Variants in CEP68 observed in about 807,000 individuals in gnomAD.
The protein encoded by CEP68 is centrosomal protein 68, also known as centrosomal protein of 68 kDa.
A neutral mutation model predicts 55.3 loss-of-function variants in CEP68; 26 were observed. The observed-to-expected ratio is 0.47, with a 90% CI of 0.34 to 0.65. The LOEUF is 0.65. Among genes scored for constraint, CEP68 ranks in the 30% least tolerant of loss-of-function variants. CEP68 has a pLI of 0.01. For synonymous variants in CEP68, 402 were observed against 383.2 expected (o/e 1.05, Z -0.57); for missense variants, 957 against 946.7 (o/e 1.01, Z -0.14).
chr2:65,065,002 C>T (rs754842158), intron 1 of CEP68, among the ~76,000 whole-genome samples: 1 of 152,186 alleles, frequency 6.6e-6, no homozygotes, highest in African/African-American at 2.4e-5. Context: ...TGTGGCTTAA[C>T]TGTTTGATCA....
Position 65,067,339 on chromosome 2 carries a change from C to T in CEP68, c.-46-2060C>T, listed in dbSNP as rs535841548. On this transcript the variant is annotated intron_variant, in intron 1 of 6. Coordinates refer to ENST00000377990, the MANE Select transcript of CEP68 (RefSeq NM_015147.3). ...AGGTTGCAGTGAGCTGAGATCACAC[C>T]GCTGAACTCTATCTAGCCTGGGTGA... is the stretch of plus-strand genomic sequence containing the variant. Among the ~76,000 whole-genome samples, 193 of 152,098 alleles carry T rather than the reference C, an allele frequency of 1.3e-3. 2 individuals are homozygous for T. The highest frequency in any genetic ancestry group is 4.2e-3 in the South Asian group (20 of 4,816).
chr2:65,070,488 T>C (rs1334570137), intron 2 of CEP68, among the ~76,000 whole-genome samples: 1 of 151,994 alleles, frequency 6.6e-6, no homozygotes, highest in Admixed American at 6.6e-5. Context: ...TTCCTGGGAA[T>C]GGCTTTGATC....
At chr2:65,081,260 T>C (rs1358182241) in intron 5 of CEP68, among the ~76,000 whole-genome samples, 1 of 150,300 alleles carries the variant, frequency 6.7e-6, no homozygotes, top group Non-Finnish European at 1.5e-5. Context: ...CCAGCCACCC[T>C]TACAGCCAAG....
chr2:65,083,472 T>G (rs1049210961), intron 6 of CEP68, among the ~76,000 whole-genome samples, 167 bp from the exon 7 acceptor site: 2 of 152,198 alleles, frequency 1.3e-5, no homozygotes, highest in Non-Finnish European at 2.9e-5. Flanking sequence ...ACTCATAGAT[T>G]TTCTAGGTGA....
chr2:65,074,384 T>A lies in CEP68; in HGVS notation c.1987T>A (p.Ser663Thr). 6.2e-7 allele frequency: 1 copy of A among 1,614,174 alleles called. No homozygotes were observed. The highest frequency in any genetic ancestry group is 8.5e-7 in the Non-Finnish European group (1 of 1,179,998). Residue 663 changes from serine to threonine, a missense_variant, in exon 4 of 7, where the codon TCT (serine) becomes ACT (threonine). Physicochemically the swap from Ser to Thr is moderately conservative, Grantham distance 58. Coordinates refer to ENST00000377990, the MANE Select transcript of CEP68 (RefSeq NM_015147.3). ...AARSNLTSLK[S>T]SLQLYRQFKK... ...CAGGTCCAATCTTACAAGTCTCAAG[T>A]CTTCTCTGCAGCTTTACCGGGTAAT...
chr2:65,069,376 C>A, intron 1 of CEP68, 23 bp from the exon 2 acceptor site: 3 of 1,170,788 alleles, frequency 2.6e-6, no homozygotes, highest in Non-Finnish European at 2.4e-6. Flanking sequence ...TTATATTTTT[C>A]TCTCCCTTCC....
In CEP68 at chr2:65,074,461, CG is replaced by C. The variant is rs768676954; in HGVS notation, c.2007+58del. ...CTCACAAGAGTGTGGCTAAATTACT[CG>C]ATTACAAAGTAAAATCTCAAATAAC... On this transcript the variant is annotated intron_variant, in intron 4 of 6. Transcript: ENST00000377990. The C allele has an allele frequency of 5.6e-6, 9 of 1,611,516 alleles. No homozygotes were observed. In the African/African-American group the frequency reaches 1.2e-4, roughly 22 times the overall value.
At chr2:65,078,370 A>C (rs1322625597) in intron 5 of CEP68, among the ~76,000 whole-genome samples, 1 of 152,064 alleles carries the variant, frequency 6.6e-6, no homozygotes, top group Non-Finnish European at 1.5e-5. Context: ...TTCCTCTCTG[A>C]TTATCTGCCT....
chr2:65,074,625 TA>T (rs1676673418), intron 4 of CEP68: 12 of 596,276 alleles, frequency 2.0e-5, no homozygotes, highest in Non-Finnish European at 2.9e-5. Flanking sequence ...ACAATATATT[TA>T]TCTCAAATCA....
rs1668935254 is a variant in CEP68 at position 65,083,632 on chromosome 2, C to G, written c.*5-7C>G. On this transcript the variant is annotated splice_region_variant and splice_polypyrimidine_tract_variant and intron_variant, in intron 6 of 6. Coordinates refer to ENST00000377990, the MANE Select transcript of CEP68 (RefSeq NM_015147.3). Reference sequence around the variant, plus strand: ...GCCTGTAACAAATGCTGCCTTTTCTCTTTCAGGCATCTTCTCAGGCAGAGG... The same window carrying G: ...GCCTGTAACAAATGCTGCCTTTTCTGTTTCAGGCATCTTCTCAGGCAGAGG... The G allele has an allele frequency of 6.6e-6, 1 of 152,230 alleles. No homozygotes were observed. Among genetic ancestry groups the G allele is most frequent in the Non-Finnish European group, 1.5e-5 (1 of 68,030 alleles). The allele number at this position is 152,230 out of a possible 1,614,324, so 9.4% of individuals were successfully genotyped here.
chr2:65,070,163 T>C (rs1436668237), intron 2 of CEP68, among the ~76,000 whole-genome samples: 1 of 152,120 alleles, frequency 6.6e-6, no homozygotes, highest in Non-Finnish European at 1.5e-5. Flanking sequence ...TGAAGAGACT[T>C]GGGAAAGGAG....
chr2:65,061,871 C>T (rs1558553896), intron 1 of CEP68, among the ~76,000 whole-genome samples: 2 of 152,228 alleles, frequency 1.3e-5, no homozygotes, highest in Non-Finnish European at 2.9e-5. Flanking sequence ...TGCCTTTAAG[C>T]TCCTTTATTC....
chr2:65,070,513 G>T (rs1458242286), intron 2 of CEP68, among the ~76,000 whole-genome samples: 1 of 151,878 alleles, frequency 6.6e-6, no homozygotes, highest in Admixed American at 6.6e-5. Flanking sequence ...CGGTGTCATT[G>T]TAGCCTTGGC....
At chr2:65,060,166 CT>C (rs1675839642) in intron 1 of CEP68, among the ~76,000 whole-genome samples, 1 of 152,072 alleles carries the variant, frequency 6.6e-6, no homozygotes, top group Non-Finnish European at 1.5e-5. Flanking sequence ...TGTCCTATGC[CT>C]TTTACTCAGG....
chr2:65,067,223 TA>T (rs957495515), intron 1 of CEP68, among the ~76,000 whole-genome samples: 2 of 148,544 alleles, frequency 1.3e-5, no homozygotes, highest in African/African-American at 5.0e-5. Context: ...ACTAAAAATA[TA>T]AAAAAATTAG....
intron 5 of CEP68, chr2:65,080,446 G>T (rs1187924901): frequency 1.0e-6 from 1 of 985,396 alleles, no homozygotes; most frequent in Non-Finnish European, 1.2e-6. Context: ...CATAGAGCCA[G>T]CCTACAAACA....
chr2:65,067,348 C>CT (rs1177925856), intron 1 of CEP68, among the ~76,000 whole-genome samples: 5 of 152,034 alleles, frequency 3.3e-5, no homozygotes, highest in East Asian at 1.9e-4. Flanking sequence ...CCGCTGAACT[C>CT]TATCTAGCCT....
In CEP68 at chr2:65,072,882, A is replaced by G. The variant is rs562091622; in HGVS notation, c.1786A>G (p.Arg596Gly). ...LLKTRPSLPA[R>G]LDRWPFSDPD... ...GAAAACACGCCCCTCCTTGCCAGCTAGGTTGGACCGGTGGCCATTCTCAGA... is the reference window on the plus strand; with the variant it reads ...GAAAACACGCCCCTCCTTGCCAGCTGGGTTGGACCGGTGGCCATTCTCAGA... Residue 596 changes from arginine to glycine, a missense_variant, in exon 3 of 7, where the codon AGG (arginine) becomes GGG (glycine). Transcript: ENST00000377990. The G allele has an allele frequency of 6.2e-7, 1 of 1,614,166 alleles. No individual in the cohort carries two copies. Among genetic ancestry groups the G allele is most frequent in the African/African-American group, 1.3e-5 (1 of 75,044 alleles).
chr2:65,082,767 CACT>C, intron 6 of CEP68, 58 bp downstream of exon 6: 4 of 1,388,732 alleles, frequency 2.9e-6, no homozygotes, highest in Non-Finnish European at 3.9e-6. Flanking sequence ...AACAGTTGGC[CACT>C]ACTTAGAAGC....
Sources: gnomAD v4.1 joint callset for allele counts (sites outside exome capture counted in the v4.1 genomes callset) on GRCh38, gnomAD v4.1.1 for gene constraint, MANE v1.5 for transcripts, NCBI Gene and HGNC (gene_info 2026-07-23, HGNC 2026-07-21) for gene names.